RAD54L2: variants seen among roughly 807,000 people sequenced by gnomAD.
RAD54L2 encodes helicase ARIP4.
Under a neutral mutation model 138.4 loss-of-function variants are expected in RAD54L2, and 27 were observed. The ratio of observed to expected loss-of-function variants is 0.20; its 90% CI spans 0.14 to 0.27. RAD54L2 has a LOEUF of 0.27. RAD54L2 is among the 10% of genes least tolerant of loss of function. The probability of loss-of-function intolerance (pLI) is 1.00; values close to 1 mark genes in which losing one functional copy is unlikely to be tolerated. For missense variants in RAD54L2, 1,396 were observed against 1,890.2 expected, an observed-to-expected ratio of 0.74 and a Z score of 4.85; for synonymous variants, 644 against 723.2, an observed-to-expected ratio of 0.89 and a Z score of 1.76.
intron 2 of RAD54L2, among the ~76,000 whole-genome samples, chr3:51,578,841 G>T (rs533017130): frequency 6.6e-6 from 1 of 152,134 alleles, no homozygotes; most frequent in Non-Finnish European, 1.5e-5. Flanking sequence ...TGGAGGGTCC[G>T]TGTGACAGCC....
rs79061560 is a variant in RAD54L2, at chr3:51,663,312, A to G, written c.4296A>G (p.Leu1432=). The stretch of plus-strand genomic sequence containing the variant: ...CAGGCTACCCAGCTGGTGGCCTCCT[A>G]CGGTCCCAGGTGCCTCCATTTGACT... ...PHAGYPAGGL[L]RSQVPPFDSH... The change falls in exon 23 of 23, where the codon CTA becomes CTG. Residue 1432 remains leucine (L), a synonymous_variant. Coordinates refer to ENST00000684192, the MANE Select transcript of RAD54L2 (RefSeq NM_015106.4). 11 of 1,613,856 alleles carry G rather than the reference A, an allele frequency of 6.8e-6. No individual in the cohort carries two copies. The highest frequency in any genetic ancestry group is 1.3e-5 in the African/African-American group (1 of 74,970).
intron 2 of RAD54L2, among the ~76,000 whole-genome samples, chr3:51,545,156 C>A (rs1698654224): frequency 6.6e-6 from 1 of 152,076 alleles, no homozygotes; most frequent in Non-Finnish European, 1.5e-5. Flanking sequence ...CAGAATTGTG[C>A]CAATTTATTT....
In RAD54L2 at chr3:51,568,277, A is replaced by AG. The variant is rs1699261425; in HGVS notation, c.-54-22087dup. 2.0e-5 allele frequency among the ~76,000 whole-genome samples: 3 copies of AG among 152,148 alleles called. No individual in the cohort carries two copies. The South Asian group carries it at 6.2e-4, about 32-fold the overall frequency. On this transcript the variant is annotated intron_variant, in intron 2 of 22. Coordinates refer to ENST00000684192, the MANE Select transcript of RAD54L2 (RefSeq NM_015106.4). ...ATTCTTGTATGCTGTGGTGAGCAGG[A>AG]GGGAGGATTAGCTCCTCATCCTGTC...
intron 3 of RAD54L2, among the ~76,000 whole-genome samples, chr3:51,593,084 C>T (rs1424443435): frequency 6.6e-6 from 1 of 151,996 alleles, no homozygotes; most frequent in Admixed American, 6.6e-5. Flanking sequence ...CAGTGGTTCT[C>T]AACCTGGTAT....
At chr3:51,640,095 A>G in intron 14 of RAD54L2, 96 bp downstream of exon 14, 2 of 863,278 alleles carry the variant, frequency 2.3e-6, no homozygotes, top group Non-Finnish European at 3.6e-6. Context: ...GCCTCCCCCA[A>G]GTGCTATTGT....
intron 3 of RAD54L2, among the ~76,000 whole-genome samples, chr3:51,592,281 T>G (rs981281604): frequency 6.6e-6 from 1 of 151,992 alleles, no homozygotes. Context: ...TAGGCTGTTC[T>G]CGAACTCCTA....
intron 20 of RAD54L2, among the ~76,000 whole-genome samples, chr3:51,656,434 C>T (rs1701602514): frequency 6.6e-6 from 1 of 152,140 alleles, no homozygotes; most frequent in Non-Finnish European, 1.5e-5. Context: ...GTGGAAATGT[C>T]ACTGGAATAC....
chr3:51,621,013 G>A (rs1251975170), intron 3 of RAD54L2, among the ~76,000 whole-genome samples: 3 of 149,448 alleles, frequency 2.0e-5, no homozygotes, highest in Non-Finnish European at 3.0e-5. Context: ...GTGTTCAGAA[G>A]GTAAAAAAAA....
At chr3:51,577,858 G>C (rs1699514817) in intron 2 of RAD54L2, among the ~76,000 whole-genome samples, 2 of 152,090 alleles carry the variant, frequency 1.3e-5, no homozygotes, top group African/African-American at 4.8e-5. Flanking sequence ...CTTACGCTGG[G>C]AGCTGTAGAC....
chr3:51,608,384 G>C (rs988729289), intron 3 of RAD54L2, among the ~76,000 whole-genome samples: 24 of 151,608 alleles, frequency 1.6e-4, no homozygotes, highest in Non-Finnish European at 2.8e-4. Flanking sequence ...CCCAGACGAT[G>C]GGCGGCCAGG....
intron 2 of RAD54L2, among the ~76,000 whole-genome samples, chr3:51,570,016 A>G (rs1011557355): frequency 9.9e-5 from 15 of 151,482 alleles, no homozygotes; most frequent in African/African-American, 3.6e-4. Flanking sequence ...AGTTTTTTAT[A>G]GAGACAGGGT....
At chr3:51,553,544 A>C (rs904422815) in intron 2 of RAD54L2, among the ~76,000 whole-genome samples, 3 of 152,230 alleles carry the variant, frequency 2.0e-5, no homozygotes, top group African/African-American at 7.2e-5. Context: ...TTATGTGTAC[A>C]GGCTTGGCAT....
intron 2 of RAD54L2, among the ~76,000 whole-genome samples, chr3:51,542,073 C>T (rs542859355): frequency 1.3e-5 from 2 of 152,296 alleles, no homozygotes; most frequent in South Asian, 2.1e-4. Flanking sequence ...ATGTCTGGTA[C>T]AATGGGAAGA....
At chr3:51,658,228 G>A (rs1158707655) in intron 21 of RAD54L2, among the ~76,000 whole-genome samples, 1 of 152,020 alleles carries the variant, frequency 6.6e-6, no homozygotes, top group Non-Finnish European at 1.5e-5. Flanking sequence ...CACCGTACCC[G>A]GCCCTTACTG....
At chr3:51,654,121 C>G (rs995096282) in intron 19 of RAD54L2, among the ~76,000 whole-genome samples, 2 of 147,940 alleles carry the variant, frequency 1.4e-5, no homozygotes, top group Non-Finnish European at 3.0e-5. Context: ...GATCTCGGCT[C>G]ACTGCAACCT....
intron 3 of RAD54L2, among the ~76,000 whole-genome samples, chr3:51,606,756 C>T (rs915853767): frequency 2.0e-5 from 3 of 151,960 alleles, no homozygotes; most frequent in South Asian, 2.1e-4. Flanking sequence ...TATCTTGGCT[C>T]GCTGCAACCT....
At chr3:51,603,644 C>T (rs1380399820) in intron 3 of RAD54L2, among the ~76,000 whole-genome samples, 7 of 151,984 alleles carry the variant, frequency 4.6e-5, no homozygotes, top group Non-Finnish European at 8.8e-5. Flanking sequence ...AATCTCCAAG[C>T]CTACTGTGGC....
rs1482824607 is a variant in RAD54L2, at chr3:51,664,156, G to A, written c.*736G>A. 8 of 152,114 alleles carry A rather than the reference G, an allele frequency of 5.3e-5. No individual in the cohort carries two copies. The highest frequency in any genetic ancestry group is 1.2e-4 in the African/African-American group (5 of 41,410). 9.4% of individuals were successfully genotyped at this position (152,114 alleles called of 1,614,324 possible). ...GCCATGGAAATAACAAGTTTCCTTC[G>A]GGATGGGTGAAGAGAAGGCCCAGCT... On this transcript the variant is annotated 3_prime_UTR_variant, in exon 23 of 23. Coordinates refer to ENST00000684192, the MANE Select transcript of RAD54L2 (RefSeq NM_015106.4).
At position 51,558,028 on chromosome 3, in the gene RAD54L2, TAG is replaced by T. The variant is rs200933573; in HGVS notation, c.-55+16385_-55+16386del. On this transcript the variant is annotated intron_variant, in intron 2 of 22. Coordinates refer to ENST00000684192, the MANE Select transcript of RAD54L2 (RefSeq NM_015106.4). ...GCCCAGCTAATTTTTGTATATTTTG[TAG>T]AGAGAGGGTTTTACCGTGTTGCCCA... 3.6e-3 allele frequency among the ~76,000 whole-genome samples: 543 copies of T among 152,004 alleles called. 8 individuals carry two copies. The highest frequency in any genetic ancestry group is 0.018 in the East Asian group (91 of 5,144).
Sources: allele counts gnomAD v4.1 joint callset (sites outside exome capture counted in the v4.1 genomes callset), GRCh38; gene constraint gnomAD v4.1.1; transcripts MANE v1.5; gene names NCBI Gene and HGNC (gene_info 2026-07-23, HGNC 2026-07-21).